MCC: variants seen among roughly 807,000 people sequenced by gnomAD.
MCC encodes MCC regulator of Wnt signaling pathway.
Under a neutral mutation model 116.2 loss-of-function variants are expected in MCC, and 90 were observed. The observed-to-expected ratio is 0.77, with a 90% CI of 0.65 to 0.92. The LOEUF is 0.92. MCC is among the 40% of genes least tolerant of loss of function. MCC has a pLI of 0.00. For missense variants in MCC, 1,516 were observed against 1,312.2 expected, an observed-to-expected ratio of 1.16 and a Z score of -2.40; for synonymous variants, 578 against 510.5, an observed-to-expected ratio of 1.13 and a Z score of -1.78.
intron 17 of MCC, among the ~76,000 whole-genome samples, chr5:113,034,428 C>G (rs541823604): frequency 6.6e-6 from 1 of 152,256 alleles, no homozygotes; most frequent in African/African-American, 2.4e-5. Context: ...TATATTCTCC[C>G]TAAAATAAAA....
Position 113,026,616 on chromosome 5 carries a change from A to G in MCC, c.*686T>C, listed in dbSNP as rs1158508981. 6.6e-6 allele frequency: 1 copy of G among 152,202 alleles called. No individual in the cohort carries two copies. The highest frequency in any genetic ancestry group is 2.1e-4 in the South Asian group (1 of 4,826). 9.4% of individuals were successfully genotyped at this position (152,202 alleles called of 1,614,324 possible). On this transcript the variant is annotated 3_prime_UTR_variant, in exon 19 of 19. Coordinates refer to ENST00000408903, the MANE Select transcript of MCC (RefSeq NM_001085377.2). ...CTGCCTCCAAAATGAAGATTGAAGG[A>G]AGTTTTTATTCTCTCAATACAAAAT...
intron 3 of MCC, 76 bp downstream of exon 3, chr5:113,340,443 G>T: frequency 8.2e-7 from 1 of 1,225,614 alleles, no homozygotes; most frequent in Non-Finnish European, 1.2e-6. Flanking sequence ...ATGTCCCCTG[G>T]AGCACAAAAT....
intron 3 of MCC, among the ~76,000 whole-genome samples, chr5:113,151,940 G>A (rs1247602468): frequency 6.6e-6 from 1 of 152,134 alleles, no homozygotes; most frequent in African/African-American, 2.4e-5. Context: ...TTTTTAGATG[G>A]TCTCCTTGTA....
At chr5:113,187,298 C>A (rs994523933) in intron 3 of MCC, among the ~76,000 whole-genome samples, 2 of 152,110 alleles carry the variant, frequency 1.3e-5, no homozygotes, top group African/African-American at 2.4e-5. Flanking sequence ...TCGTAGAGAT[C>A]GGGTTTTGCC....
rs374327209 is a variant in MCC at position 113,168,425 on chromosome 5, A to T, written c.628-17003T>A. Reference sequence around the variant, plus strand: ...AAATATACTTGCACTTCTTTCCCCCATTACATTTATGGAGAAAGATTTTCA... The same window carrying T: ...AAATATACTTGCACTTCTTTCCCCCTTTACATTTATGGAGAAAGATTTTCA... On this transcript the variant is annotated intron_variant, in intron 3 of 18. Transcript: ENST00000408903. 3.2e-4 allele frequency among the ~76,000 whole-genome samples: 49 copies of T among 152,344 alleles called. 1 individual carries two copies. The East Asian group carries it at 4.8e-3, about 15-fold the overall frequency.
intron 8 of MCC, among the ~76,000 whole-genome samples, chr5:113,095,558 T>C (rs1755952362): frequency 6.6e-6 from 1 of 152,180 alleles, no homozygotes; most frequent in African/African-American, 2.4e-5. Flanking sequence ...TTGCTATTAT[T>C]ACCCAGGTTG....
At chr5:113,378,779 C>T in intron 2 of MCC, among the ~76,000 whole-genome samples, 1 of 152,260 alleles carries the variant, frequency 6.6e-6, no homozygotes, top group East Asian at 1.9e-4. Context: ...GTAAGGTTTA[C>T]AGCTTGGCTG....
intron 3 of MCC, among the ~76,000 whole-genome samples, chr5:113,184,426 A>G (rs1761786231): frequency 6.6e-6 from 1 of 150,796 alleles, no homozygotes; most frequent in Admixed American, 6.6e-5. Context: ...TTGCTGATCT[A>G]TGGAATAGCA....
At chr5:113,279,944 T>C (rs1765974414) in intron 3 of MCC, among the ~76,000 whole-genome samples, 1 of 152,222 alleles carries the variant, frequency 6.6e-6, no homozygotes, top group Non-Finnish European at 1.5e-5. Flanking sequence ...TCACTAGAAG[T>C]ATTTCAACAA....
At chr5:113,415,106 C>T (rs1770106315) in intron 1 of MCC, among the ~76,000 whole-genome samples, 1 of 152,208 alleles carries the variant, frequency 6.6e-6, no homozygotes, top group South Asian at 2.1e-4. Context: ...CCACTCTCTT[C>T]TGGCTTGTAG....
At chr5:113,066,024 C>T (rs1158056792) in intron 13 of MCC, among the ~76,000 whole-genome samples, 2 of 152,246 alleles carry the variant, frequency 1.3e-5, no homozygotes, top group Non-Finnish European at 2.9e-5. Flanking sequence ...ATTTTACATA[C>T]ATCTCACCAC....
rs1161216261 is a variant in MCC, at chr5:113,126,609, G to A, written c.885-3783C>T. Reference sequence around the variant, plus strand: ...CAAAAACAAACTTTTTTTAAGGTATGTCATAAATGCATGAAATATATACAT... The same window carrying A: ...CAAAAACAAACTTTTTTTAAGGTATATCATAAATGCATGAAATATATACAT... On this transcript the variant is annotated intron_variant, in intron 5 of 18. Transcript: ENST00000408903. Among the ~76,000 whole-genome samples, 3 of 152,098 alleles carry A rather than the reference G, an allele frequency of 2.0e-5. No homozygotes were observed. The East Asian group carries it at 5.8e-4, about 29-fold the overall frequency.
At chr5:113,194,855 A>G (rs1316824933) in intron 3 of MCC, among the ~76,000 whole-genome samples, 2 of 152,202 alleles carry the variant, frequency 1.3e-5, no homozygotes, top group Non-Finnish European at 2.9e-5. Context: ...GATGTAGTGT[A>G]CAAAGCAAAC....
chr5:113,065,547 G>T (rs1387358783), intron 13 of MCC, among the ~76,000 whole-genome samples: 1 of 152,086 alleles, frequency 6.6e-6, no homozygotes, highest in Non-Finnish European at 1.5e-5. Context: ...GGATGAAGTG[G>T]GCAGAAGTGG....
At chr5:113,407,678 T>C (rs1231078393) in intron 1 of MCC, among the ~76,000 whole-genome samples, 2 of 152,192 alleles carry the variant, frequency 1.3e-5, no homozygotes, top group Non-Finnish European at 2.9e-5. Flanking sequence ...GTGCAGAATG[T>C]GCAGGTTTGT....
intron 3 of MCC, among the ~76,000 whole-genome samples, chr5:113,181,874 T>C (rs4398626): frequency 6.6e-6 from 1 of 152,156 alleles, no homozygotes; most frequent in Non-Finnish European, 1.5e-5. Context: ...CTGTAAATTC[T>C]GAGGCCCAGG....
chr5:113,377,843 A>G (rs903436698), intron 2 of MCC, among the ~76,000 whole-genome samples: 3 of 152,194 alleles, frequency 2.0e-5, no homozygotes, highest in African/African-American at 7.2e-5. Context: ...ACTCCCAATT[A>G]AATATTGGAA....
chr5:113,106,793 C>T (rs375510903), intron 6 of MCC, among the ~76,000 whole-genome samples: 2 of 152,314 alleles, frequency 1.3e-5, no homozygotes. Context: ...ATAAGCAATC[C>T]TCCTGCCACA....
At chr5:113,091,660 T>C (rs577358040) in intron 8 of MCC, among the ~76,000 whole-genome samples, 7 of 152,032 alleles carry the variant, frequency 4.6e-5, no homozygotes, top group South Asian at 2.1e-4. Flanking sequence ...GGTGGGAAGG[T>C]TGCTTGACCC....
Sources: gnomAD v4.1 joint callset for allele counts (sites outside exome capture counted in the v4.1 genomes callset) on GRCh38, gnomAD v4.1.1 for gene constraint, MANE v1.5 for transcripts, NCBI Gene and HGNC (gene_info 2026-07-23, HGNC 2026-07-21) for gene names.